Variants in OR6N1 observed in about 807,000 individuals in gnomAD.
OR6N1 encodes the protein olfactory receptor family 6 subfamily N member 1, also known as olfactory receptor 6N1.
For synonymous variants in OR6N1, 170 were observed against 150.7 expected, an observed-to-expected ratio of 1.13 and a Z score of -0.94; for missense variants, 394 against 371.7, an observed-to-expected ratio of 1.06 and a Z score of -0.49.
At chr1:158,769,739 C>G (rs1248060166) in intron 1 of OR6N1, among the ~76,000 whole-genome samples, 2 of 152,194 alleles carry the variant, frequency 1.3e-5, no homozygotes, top group African/African-American at 4.8e-5. Flanking sequence ...AAGCCTTTCT[C>G]AATCCAAGAC....
In OR6N1 at chr1:158,765,641, A is replaced by G. The variant is rs1328437749; in HGVS notation, c.*103T>C. The G allele has an allele frequency of 6.4e-6, 6 of 935,750 alleles. No homozygotes were observed. In the African/African-American group the frequency reaches 9.9e-5, roughly 15 times the overall value. 58.0% of individuals were successfully genotyped at this position (935,750 alleles called of 1,614,324 possible). On this transcript the variant is annotated 3_prime_UTR_variant, in exon 2 of 2. Transcript: ENST00000641846. ...GCACTTGCTGCAGCTCCACCACCCC[A>G]CATAGAAAAGCACTGAATTTTTAGT...
chr1:158,803,453 T>A, the OR6N1 span, among the ~76,000 whole-genome samples: 1 of 152,256 alleles, frequency 6.6e-6, no homozygotes, highest in Non-Finnish European at 1.5e-5. Context: ...TTTTCATTTT[T>A]ATTTCATGGA....
the OR6N1 span, among the ~76,000 whole-genome samples, chr1:158,823,304 A>C: frequency 6.6e-6 from 1 of 152,000 alleles, no homozygotes; most frequent in Admixed American, 6.6e-5. Context: ...TTCTTTATAT[A>C]TCTGGCAGAA....
chr1:158,768,447 C>T (rs1186947658), intron 1 of OR6N1, among the ~76,000 whole-genome samples: 1 of 152,160 alleles, frequency 6.6e-6, no homozygotes. Flanking sequence ...TTGTTTCTAT[C>T]TTTCTCTCAT....
chr1:158,814,667 A>G, the OR6N1 span, among the ~76,000 whole-genome samples: 3 of 152,152 alleles, frequency 2.0e-5, no homozygotes, highest in Non-Finnish European at 2.9e-5. Flanking sequence ...TAACGGCACT[A>G]ATCTCATTCA....
chr1:158,817,410 G>A, the OR6N1 span, among the ~76,000 whole-genome samples: 1 of 152,208 alleles, frequency 6.6e-6, no homozygotes, highest in African/African-American at 2.4e-5. Context: ...TGCTGGGAGA[G>A]CCAGGGGAGA....
the OR6N1 span, among the ~76,000 whole-genome samples, chr1:158,816,064 A>C: frequency 6.6e-6 from 1 of 151,974 alleles, no homozygotes; most frequent in African/African-American, 2.4e-5. Context: ...AGGCTGAGGC[A>C]GGAGAATGGT....
the OR6N1 span, among the ~76,000 whole-genome samples, chr1:158,839,887 A>T: frequency 4.6e-5 from 7 of 152,172 alleles, no homozygotes; most frequent in Non-Finnish European, 8.8e-5. Context: ...CTTGTCTGCA[A>T]TCTTGCTAAT....
upstream of OR6N1, chr1:158,775,439 T>A (rs961922184): frequency 1.3e-5 from 2 of 152,160 alleles, no homozygotes; most frequent in Non-Finnish European, 2.9e-5. Context: ...TGAATCTATG[T>A]TGAAGAGGAA....
chr1:158,785,162 C>A, the OR6N1 span, among the ~76,000 whole-genome samples: 2 of 152,292 alleles, frequency 1.3e-5, no homozygotes, highest in East Asian at 3.9e-4. Context: ...TCCTCTTTCT[C>A]TACTTCTTTG....
At chr1:158,801,341 T>C in the OR6N1 span, among the ~76,000 whole-genome samples, 2 of 152,040 alleles carry the variant, frequency 1.3e-5, no homozygotes, top group Non-Finnish European at 2.9e-5. Context: ...GACAGAAAAG[T>C]ATCCATCTAG....
chr1:158,789,828 G>C, the OR6N1 span, among the ~76,000 whole-genome samples: 6 of 152,148 alleles, frequency 3.9e-5, no homozygotes, highest in African/African-American at 1.4e-4. Context: ...CTGTACAGAA[G>C]CTTTTTAGCT....
the OR6N1 span, among the ~76,000 whole-genome samples, chr1:158,790,947 G>A: frequency 6.6e-6 from 1 of 152,108 alleles, no homozygotes; most frequent in Non-Finnish European, 1.5e-5. Context: ...TTCCTTCTAT[G>A]CCTAGTTTGT....
At chr1:158,815,841 T>A in the OR6N1 span, among the ~76,000 whole-genome samples, 1 of 152,162 alleles carries the variant, frequency 6.6e-6, no homozygotes, top group South Asian at 2.1e-4. Flanking sequence ...AGTGCATTAT[T>A]CATATCATGC....
chr1:158,826,840 T>C, the OR6N1 span, among the ~76,000 whole-genome samples: 1 of 152,030 alleles, frequency 6.6e-6, no homozygotes, highest in Non-Finnish European at 1.5e-5. Flanking sequence ...GTTAGAGATA[T>C]GGAGAAATTA....
At chr1:158,833,807 A>C in the OR6N1 span, among the ~76,000 whole-genome samples, 774 of 152,326 alleles carry the variant, frequency 5.1e-3, 4 homozygotes, top group African/African-American at 0.018. Context: ...TGCTGCAATG[A>C]ACATATATGT....
the OR6N1 span, among the ~76,000 whole-genome samples, chr1:158,827,946 A>T: frequency 6.6e-6 from 1 of 152,216 alleles, no homozygotes; most frequent in Non-Finnish European, 1.5e-5. Flanking sequence ...AGCGCAAGTC[A>T]CATCTTACAT....
At chr1:158,800,531 C>A in the OR6N1 span, among the ~76,000 whole-genome samples, 680 of 152,232 alleles carry the variant, frequency 4.5e-3, 1 homozygote, top group African/African-American at 0.016. Flanking sequence ...ATAGAAAAAC[C>A]TCAAATTGGA....
chr1:158,794,331 C>G, the OR6N1 span, among the ~76,000 whole-genome samples: 2 of 152,134 alleles, frequency 1.3e-5, no homozygotes, highest in African/African-American at 4.8e-5. Flanking sequence ...ATCCCATAAG[C>G]GGAAAGTTCA....
Sources: allele counts gnomAD v4.1 joint callset (sites outside exome capture counted in the v4.1 genomes callset), GRCh38; gene constraint gnomAD v4.1.1; transcripts MANE v1.5; gene names NCBI Gene and HGNC (gene_info 2026-07-23, HGNC 2026-07-21).